KCNH5: variants seen among roughly 807,000 people sequenced by gnomAD.
KCNH5 encodes the protein voltage-gated delayed rectifier potassium channel KCNH5.
A neutral mutation model predicts 96.1 loss-of-function variants in KCNH5; 46 were observed. The observed-to-expected ratio is 0.48, with a 90% confidence interval of 0.38 to 0.61. KCNH5 has a LOEUF of 0.61. Among genes scored for constraint, KCNH5 ranks in the 20% least tolerant of loss-of-function variants. The pLI is 0.00. For missense variants in KCNH5, 907 were observed against 1,225.8 expected (o/e 0.74, Z 3.88); for synonymous variants, 439 against 449.8 (o/e 0.98, Z 0.30).
intron 7 of KCNH5, among the ~76,000 whole-genome samples, chr14:62,888,907 C>G (rs1888649718): frequency 6.6e-6 from 1 of 152,192 alleles, no homozygotes; most frequent in Non-Finnish European, 1.5e-5. Flanking sequence ...TGAAGTTGCT[C>G]TCCGATAAAA....
At chr14:63,029,396 C>T (rs79719214) in intron 1 of KCNH5, among the ~76,000 whole-genome samples, 1,755 of 152,156 alleles carry the variant, frequency 0.012, 27 homozygotes, top group African/African-American at 0.03. Context: ...TGGATAGTTA[C>T]GGAGACTAAA....
chr14:62,824,889 C>A (rs1887189738), intron 8 of KCNH5, among the ~76,000 whole-genome samples: 1 of 151,898 alleles, frequency 6.6e-6, no homozygotes, highest in Non-Finnish European at 1.5e-5. Context: ...GTTAATTCAC[C>A]TAGGATAATG....
chr14:62,928,837 C>A (rs550889753), intron 7 of KCNH5, among the ~76,000 whole-genome samples: 30 of 152,170 alleles, frequency 2.0e-4, no homozygotes, highest in African/African-American at 7.0e-4. Context: ...TCTCACTGAC[C>A]ACTACATATT....
intron 6 of KCNH5, among the ~76,000 whole-genome samples, chr14:62,956,678 A>T (rs1890110930): frequency 6.6e-6 from 1 of 150,732 alleles, no homozygotes; most frequent in South Asian, 2.1e-4. Context: ...AAAATAAGAG[A>T]TTTTCCTTAT....
intron 2 of KCNH5, among the ~76,000 whole-genome samples, chr14:63,014,559 CA>C: frequency 6.6e-6 from 1 of 152,054 alleles, no homozygotes; most frequent in Admixed American, 6.6e-5. Flanking sequence ...AGGGATAGGG[CA>C]AATACATGGG....
chr14:62,960,904 C>T (rs1890193822), intron 6 of KCNH5, among the ~76,000 whole-genome samples: 1 of 152,182 alleles, frequency 6.6e-6, no homozygotes, highest in Non-Finnish European at 1.5e-5. Context: ...AATTGAAACA[C>T]AGTGGCATAA....
chr14:62,750,416 T>TA (rs1885472868), intron 10 of KCNH5, among the ~76,000 whole-genome samples: 1 of 152,200 alleles, frequency 6.6e-6, no homozygotes. Context: ...CCCTGACCTT[T>TA]AGCCCATTCT....
chr14:62,877,926 C>T (rs1278633907), intron 7 of KCNH5, among the ~76,000 whole-genome samples: 1 of 151,592 alleles, frequency 6.6e-6, no homozygotes, highest in Non-Finnish European at 1.5e-5. Flanking sequence ...TTCACAATAG[C>T]AAAGACTTGG....
At chr14:62,894,011 A>G (rs1888761879) in intron 7 of KCNH5, among the ~76,000 whole-genome samples, 1 of 152,218 alleles carries the variant, frequency 6.6e-6, no homozygotes, top group Non-Finnish European at 1.5e-5. Flanking sequence ...CCGCAAAAAG[A>G]TTATGCCTCA....
chr14:62,949,380 T>C (rs889795037), intron 7 of KCNH5, among the ~76,000 whole-genome samples: 5 of 152,170 alleles, frequency 3.3e-5, no homozygotes, highest in Admixed American at 2.0e-4. Flanking sequence ...CTAAGTCAAC[T>C]TGAAGGCGTG....
intron 7 of KCNH5, among the ~76,000 whole-genome samples, chr14:62,911,992 C>T (rs1889166209): frequency 7.3e-6 from 1 of 136,148 alleles, no homozygotes; most frequent in Admixed American, 8.0e-5. Flanking sequence ...GAGCCGAGAT[C>T]ATGCCACTGC....
intron 8 of KCNH5, among the ~76,000 whole-genome samples, chr14:62,804,233 G>C (rs1001575180): frequency 1.3e-5 from 2 of 152,048 alleles, no homozygotes; most frequent in Non-Finnish European, 2.9e-5. Context: ...ATAGGCAGCA[G>C]CAATCTGCTC....
At chr14:62,762,334 T>A (rs1885768879) in intron 10 of KCNH5, among the ~76,000 whole-genome samples, 1 of 152,124 alleles carries the variant, frequency 6.6e-6, no homozygotes, top group Admixed American at 6.5e-5. Flanking sequence ...TGCAAGCCCA[T>A]GCCCACTTGC....
At chr14:62,859,733 C>T (rs1887997319) in intron 7 of KCNH5, among the ~76,000 whole-genome samples, 1 of 152,206 alleles carries the variant, frequency 6.6e-6, no homozygotes, top group Non-Finnish European at 1.5e-5. Flanking sequence ...GGGAAGACTT[C>T]CCTTCACTGC....
intron 10 of KCNH5, among the ~76,000 whole-genome samples, chr14:62,743,849 G>C (rs1885323237): frequency 6.6e-6 from 1 of 152,120 alleles, no homozygotes; most frequent in South Asian, 2.1e-4. Flanking sequence ...TGACAAGAAA[G>C]CTCTCTTAGC....
At chr14:62,744,130 A>G (rs766723523) in intron 10 of KCNH5, among the ~76,000 whole-genome samples, 19 of 152,162 alleles carry the variant, frequency 1.2e-4, no homozygotes, top group Non-Finnish European at 2.2e-4. Context: ...TACCTTTGCT[A>G]TCACCTCACC....
chr14:62,790,350 GT>G (rs1886407806), intron 9 of KCNH5, among the ~76,000 whole-genome samples: 1 of 151,628 alleles, frequency 6.6e-6, no homozygotes, highest in Non-Finnish European at 1.5e-5. Flanking sequence ...CTCCAACTTT[GT>G]TCTTTCTCAG....
intron 10 of KCNH5, among the ~76,000 whole-genome samples, chr14:62,733,069 A>G (rs1885084785): frequency 1.3e-5 from 2 of 152,106 alleles, no homozygotes; most frequent in Admixed American, 1.3e-4. Flanking sequence ...AACCATAAGG[A>G]CTGTCCATAC....
At chr14:62,902,082 A>T (rs1888937396) in intron 7 of KCNH5, among the ~76,000 whole-genome samples, 1 of 151,766 alleles carries the variant, frequency 6.6e-6, no homozygotes, top group Non-Finnish European at 1.5e-5. Context: ...TCCTTGTTCA[A>T]CTTTTTAAGT....
Sources: gnomAD v4.1 joint callset for allele counts (sites outside exome capture counted in the v4.1 genomes callset) on GRCh38, gnomAD v4.1.1 for gene constraint, MANE v1.5 for transcripts, NCBI Gene and HGNC (gene_info 2026-07-23, HGNC 2026-07-21) for gene names.